The following ATAD2B variants were observed in gnomAD, a reference collection of about 807,000 sequenced individuals.
The protein encoded by ATAD2B is ATPase family AAA domain-containing protein 2B.
ATAD2B carries 40 observed loss-of-function variants against 167.6 expected under a neutral mutation model. That is an observed-to-expected ratio of 0.24 (90% CI 0.19 to 0.31). The LOEUF (loss-of-function observed/expected upper bound fraction) is 0.31, where lower values mean the gene tolerates loss of function less well. Ranked by LOEUF, ATAD2B falls within the 10% of genes least tolerant of loss-of-function variation. The pLI is 1.00. For missense variants in ATAD2B, 1,242 were observed against 1,757.2 expected, an observed-to-expected ratio of 0.71 and a Z score of 5.24; for synonymous variants, 579 against 596.5, an observed-to-expected ratio of 0.97 and a Z score of 0.43.
chr2:23,835,204 A>G (rs959557518), intron 13 of ATAD2B, among the ~76,000 whole-genome samples: 4 of 152,250 alleles, frequency 2.6e-5, no homozygotes, highest in Admixed American at 6.5e-5. Context: ...TCCACAAAAA[A>G]ACTTTTACAC....
At chr2:23,807,561 G>A (rs7579114) in intron 18 of ATAD2B, among the ~76,000 whole-genome samples, 140,217 of 152,004 alleles carry the variant, frequency 0.92, 64,894 homozygotes, top group East Asian at 0.99. Context: ...CCAAATCTCT[G>A]AAGATACTTC....
intron 16 of ATAD2B, among the ~76,000 whole-genome samples, chr2:23,822,733 T>C (rs1486172751): frequency 1.3e-5 from 2 of 150,530 alleles, no homozygotes; most frequent in African/African-American, 4.9e-5. Flanking sequence ...CTGGCCAACA[T>C]GGTGAAACCC....
intron 23 of ATAD2B, among the ~76,000 whole-genome samples, chr2:23,765,273 A>G (rs1420690158): frequency 1.3e-5 from 2 of 152,238 alleles, no homozygotes; most frequent in Non-Finnish European, 2.9e-5. Context: ...ACAAATTTCA[A>G]TAAGAAACAC....
intron 12 of ATAD2B, among the ~76,000 whole-genome samples, chr2:23,858,548 G>T (rs1693820428): frequency 1.4e-5 from 2 of 145,280 alleles, no homozygotes; most frequent in South Asian, 4.3e-4. Flanking sequence ...CTTGAGTGCA[G>T]TGGCATGATC....
At chr2:23,880,551 A>T in intron 7 of ATAD2B, 88 bp downstream of exon 7, 5 of 740,328 alleles carry the variant, frequency 6.8e-6, no homozygotes, top group Non-Finnish European at 1.1e-5. Flanking sequence ...CGATGGAGCG[A>T]GACTCTGTCT....
chr2:23,896,071 C>T, intron 1 of ATAD2B, 101 bp from the exon 2 acceptor site: 1 of 941,718 alleles, frequency 1.1e-6, no homozygotes, highest in Non-Finnish European at 1.5e-6. Flanking sequence ...AATCCCAGCA[C>T]TTTGGGTGGC....
At chr2:23,910,335 T>A (rs191983521) in intron 1 of ATAD2B, among the ~76,000 whole-genome samples, 176 of 151,662 alleles carry the variant, frequency 1.2e-3, no homozygotes, top group African/African-American at 4.1e-3. Flanking sequence ...TGCACCACGA[T>A]GCTCAGCTAA....
chr2:23,816,744 T>C (rs1686513552), intron 17 of ATAD2B, among the ~76,000 whole-genome samples: 2 of 152,172 alleles, frequency 1.3e-5, no homozygotes, highest in South Asian at 4.1e-4. Flanking sequence ...ACAAAGCTAT[T>C]TTCATTTGAA....
chr2:23,710,679 T>TG, the ATAD2B span, among the ~76,000 whole-genome samples: 6 of 151,954 alleles, frequency 3.9e-5, no homozygotes, highest in African/African-American at 1.5e-4. Flanking sequence ...TGGAAAAAAT[T>TG]GGGGGGCAAA....
rs529581449 is a variant in ATAD2B, at chr2:23,872,507, T to G, written c.978-2746A>C. 118 of 809,048 alleles carry G rather than the reference T, an allele frequency of 1.5e-4. No individual in the cohort carries two copies. The African/African-American group carries it at 1.8e-3, about 12-fold the overall frequency. 50.1% of individuals were successfully genotyped at this position (809,048 alleles called of 1,614,324 possible). ...TTTACCAGGTGAGCTATTTCTTCAT[T>G]CCAAAACGGCAGAGCTCTGGCTTTG... On this transcript the variant is annotated intron_variant, in intron 8 of 27. Transcript: ENST00000238789.
chr2:23,766,029 T>C (rs918812), intron 22 of ATAD2B, among the ~76,000 whole-genome samples: 68,645 of 152,050 alleles, frequency 0.45, 16,400 homozygotes, highest in East Asian at 0.79. Context: ...AAATCTTAAA[T>C]TTCTCCTAAG....
chr2:23,841,311 C>T (rs1558640794), intron 13 of ATAD2B, among the ~76,000 whole-genome samples: 1 of 152,130 alleles, frequency 6.6e-6, no homozygotes, highest in East Asian at 1.9e-4. Flanking sequence ...CACAGTAATG[C>T]TTTCTGACTT....
At chr2:23,745,568 A>AC (rs1294126821), downstream of ATAD2B, among the ~76,000 whole-genome samples, 2 of 151,804 alleles carry the variant, frequency 1.3e-5, no homozygotes, top group East Asian at 1.9e-4. Flanking sequence ...ACAAGATAGG[A>AC]CCCCCCAACC....
At chr2:23,692,374 C>CG in the ATAD2B span, among the ~76,000 whole-genome samples, 10 of 152,210 alleles carry the variant, frequency 6.6e-5, no homozygotes, top group South Asian at 2.1e-4. Context: ...CAGGAGCTCC[C>CG]GGGGGGGTCG....
At position 23,835,399 on chromosome 2, in the gene ATAD2B, G is replaced by A. The variant is rs554014993; in HGVS notation, c.1569-1321C>T. On this transcript the variant is annotated intron_variant, in intron 13 of 27. Coordinates refer to ENST00000238789, the MANE Select transcript of ATAD2B (RefSeq NM_017552.4). ...ATCTTGTAATCACTTTGCTAAGGAAGCTAGACACAAAAGGCCACATATTAT... is the reference window on the plus strand; with the variant it reads ...ATCTTGTAATCACTTTGCTAAGGAAACTAGACACAAAAGGCCACATATTAT... 9.9e-5 allele frequency among the ~76,000 whole-genome samples: 15 copies of A among 152,268 alleles called. No homozygotes were observed. In the South Asian group the frequency reaches 2.9e-3, roughly 29 times the overall value.
chr2:23,889,105 G>C (rs1699102806), intron 2 of ATAD2B, among the ~76,000 whole-genome samples: 1 of 152,198 alleles, frequency 6.6e-6, no homozygotes, highest in Non-Finnish European at 1.5e-5. Context: ...ACAATTATTA[G>C]TTTCGAAGAT....
chr2:23,918,741 C>T (rs1427792418), intron 1 of ATAD2B, among the ~76,000 whole-genome samples: 1 of 152,148 alleles, frequency 6.6e-6, no homozygotes, highest in East Asian at 1.9e-4. Context: ...GTGGAAACTA[C>T]TGATTGAACA....
chr2:23,724,826 G>A, the ATAD2B span, among the ~76,000 whole-genome samples: 6 of 151,564 alleles, frequency 4.0e-5, no homozygotes, highest in African/African-American at 7.3e-5. Flanking sequence ...GGCGGATCAC[G>A]AGGTCAGGAG....
intron 8 of ATAD2B, chr2:23,873,077 T>C (rs1473212711): frequency 2.0e-6 from 1 of 506,292 alleles, no homozygotes. Context: ...AGGAAGATAG[T>C]TGCAAAAATT....
Sources: gnomAD v4.1 joint callset for allele counts (sites outside exome capture counted in the v4.1 genomes callset) on GRCh38, gnomAD v4.1.1 for gene constraint, MANE v1.5 for transcripts, NCBI Gene and HGNC (gene_info 2026-07-23, HGNC 2026-07-21) for gene names.